The following AK2 variants were observed in gnomAD, a reference collection of about 807,000 sequenced individuals.
The protein encoded by AK2 is adenylate kinase 2, also known as adenylate kinase 2, mitochondrial.
Under a neutral mutation model 24.6 loss-of-function variants are expected in AK2, and 15 were observed. The observed-to-expected ratio is 0.61, with a 90% CI of 0.41 to 0.94. The LOEUF (loss-of-function observed/expected upper bound fraction) is 0.94, where lower values mean the gene tolerates loss of function less well. AK2 is among the 40% of genes least tolerant of loss of function. The pLI is 0.00. For missense variants in AK2, 257 were observed against 304.1 expected, an observed-to-expected ratio of 0.85 and a Z score of 1.15; for synonymous variants, 102 against 114.0, an observed-to-expected ratio of 0.90 and a Z score of 0.67.
rs779855318 is a variant in AK2 at position 33,024,577 on chromosome 1, G to A, written c.94-10C>T. ...CAGCCAATCTGGGTGCCTACAGAGA[G>A]GAAGACAAAAACCAAGATTCAATTA... On this transcript the variant is annotated splice_polypyrimidine_tract_variant and intron_variant, in intron 1 of 5. Coordinates refer to ENST00000672715, the MANE Select transcript of AK2 (RefSeq NM_001625.4). 5 of 1,614,152 alleles carry A rather than the reference G, an allele frequency of 3.1e-6. No homozygotes were observed. Among genetic ancestry groups the A allele is most frequent in the Non-Finnish European group, 4.2e-6 (5 of 1,179,988 alleles).
intron 1 of AK2, among the ~76,000 whole-genome samples, chr1:33,030,411 T>C (rs183582637): frequency 2.9e-3 from 436 of 152,094 alleles, no homozygotes; most frequent in Non-Finnish European, 4.8e-3. Flanking sequence ...TTTAATTAGC[T>C]GGGCATGGTG....
Position 33,010,528 on chromosome 1 carries a change from G to A in AK2, c.*2653C>T, listed in dbSNP as rs1638749292. On this transcript the variant is annotated 3_prime_UTR_variant, in exon 6 of 6. Transcript: ENST00000672715. ...TAAAAAATATTTTCACCAGTCCAGA[G>A]TAAATGAAAACCCGATTCCTTAGAA... 1 of 744,628 alleles carries A rather than the reference G, an allele frequency of 1.3e-6. No homozygotes were observed. The highest frequency in any genetic ancestry group is 2.9e-5 in the East Asian group (1 of 35,060). The allele number at this position is 744,628 out of a possible 1,614,324, so 46.1% of individuals were successfully genotyped here.
At chr1:33,014,862 G>C (rs1569588649) in intron 4 of AK2, among the ~76,000 whole-genome samples, 1 of 152,310 alleles carries the variant, frequency 6.6e-6, no homozygotes, top group East Asian at 1.9e-4. Context: ...CTTGAGAGAA[G>C]GAACTCTGGT....
rs749644551 is a variant in AK2 at position 33,013,208 on chromosome 1, T to C, written c.693A>G (p.Thr231=). The stretch of plus-strand genomic sequence containing the variant: ...AGATAAACATAACCAAGTCTTTACA[T>C]GTGGCTTTGGAGAAGGCTGCTAGGA... ...ASILAAFSKA[T]CKDLVMFI The change falls in exon 6 of 6, where the codon ACA becomes ACG. Residue 231 remains threonine, a synonymous_variant. Transcript: ENST00000672715. The C allele has an allele frequency of 3.7e-6, 6 of 1,614,014 alleles. No individual in the cohort carries two copies. In the African/African-American group the frequency reaches 6.7e-5, roughly 18 times the overall value.
chr1:33,025,772 GAGA>G (rs1428815321), intron 1 of AK2, among the ~76,000 whole-genome samples: 1 of 152,194 alleles, frequency 6.6e-6, no homozygotes, highest in Non-Finnish European at 1.5e-5. Context: ...CTGGGTTGAT[GAGA>G]AGATTATACA....
chr1:33,021,788 G>T (rs1428975837), intron 2 of AK2, 85 bp from the exon 3 acceptor site: 1 of 1,051,520 alleles, frequency 9.5e-7, no homozygotes, highest in Non-Finnish European at 1.5e-6. Flanking sequence ...CCAAAAGTTT[G>T]TGTATATAAC....
At chr1:33,019,639 T>G in intron 4 of AK2, 1 of 997,806 alleles carries the variant, frequency 1.0e-6, no homozygotes, top group Non-Finnish European at 1.2e-6. Flanking sequence ...CTGTGCTGTC[T>G]ATTCACATGT....
At position 33,012,751 on chromosome 1, in the gene AK2, G is replaced by C; in HGVS notation, c.*430C>G. 2 of 968,228 alleles carry C rather than the reference G, an allele frequency of 2.1e-6. No individual in the cohort carries two copies. Among genetic ancestry groups the C allele is most frequent in the Non-Finnish European group, 2.9e-6 (2 of 698,002 alleles). 60.0% of individuals were successfully genotyped at this position (968,228 alleles called of 1,614,324 possible). A position where few individuals can be genotyped will look rare whatever the true frequency, so the allele number is the denominator to read the frequency against. ...GTCTCTACAAAAAATACAAATATCA[G>C]CCAGGTGTTGTGGCATGCACCTGTA... is the stretch of plus-strand genomic sequence containing the variant. On this transcript the variant is annotated 3_prime_UTR_variant, in exon 6 of 6. Transcript: ENST00000672715.
Position 33,021,699 on chromosome 1 carries a change from C to T in AK2, c.224G>A (p.Ser75Asn), listed in dbSNP as rs140838488. The T allele has an allele frequency of 6.2e-7, 1 of 1,612,926 alleles. No individual in the cohort carries two copies. Among genetic ancestry groups the T allele is most frequent in the Non-Finnish European group, 8.5e-7 (1 of 1,178,854 alleles). The change falls in exon 3 of 6, where the codon AGT (serine) becomes AAT (asparagine). Residue 75 changes from serine (S) to asparagine (N), a missense_variant. Coordinates refer to ENST00000672715, the MANE Select transcript of AK2 (RefSeq NM_001625.4). The part of the protein sequence containing the change: ...KATMDAGKLV[S>N]DEMVVELIEK... ...AATGAGCTCCACTACCATTTCATCA[C>T]TCACCTGGAAGTTAGGAACAAAATA... is the stretch of plus-strand genomic sequence containing the variant.
At chr1:33,020,188 AACACACAC>A (rs56098182) in intron 4 of AK2, 201,733 of 875,766 alleles carry the variant, frequency 0.23, 10,401 homozygotes, top group Admixed American at 0.31. Context: ...AACATGTTAA[AACACACAC>A]ACACACACAC....
intron 4 of AK2, among the ~76,000 whole-genome samples, chr1:33,018,903 C>G (rs1639356896): frequency 6.6e-6 from 1 of 152,170 alleles, no homozygotes; most frequent in African/African-American, 2.4e-5. Context: ...TACCCAGTGG[C>G]TCAAGACTAT....
chr1:33,012,029 T>C lies in AK2; in HGVS notation c.*1152A>G. On this transcript the variant is annotated 3_prime_UTR_variant, in exon 6 of 6. Transcript: ENST00000672715. ...AGATCACACACTGTTTTGTTCACAC[T>C]TGGAAACACAGGCAAACATTAAAAA... 6.5e-7 allele frequency: 1 copy of C among 1,535,426 alleles called. No homozygotes were observed. The highest frequency in any genetic ancestry group is 8.7e-7 in the Non-Finnish European group (1 of 1,146,710).
At chr1:33,031,386 G>C in intron 1 of AK2, 1 of 303,896 alleles carries the variant, frequency 3.3e-6, no homozygotes. Context: ...CAGTTTCTCT[G>C]TCAGTAAAAA....
chr1:33,018,428 CAAT>C (rs372000983), intron 4 of AK2, among the ~76,000 whole-genome samples: 29 of 152,146 alleles, frequency 1.9e-4, no homozygotes, highest in African/African-American at 4.3e-4. Context: ...AAAACAACAA[CAAT>C]GACAACAACA....
chr1:33,027,980 C>T (rs893486190), intron 1 of AK2, among the ~76,000 whole-genome samples: 1 of 152,132 alleles, frequency 6.6e-6, no homozygotes, highest in Non-Finnish European at 1.5e-5. Flanking sequence ...ATGACTACTT[C>T]ACAGGGTTCT....
rs1182305437 is a variant in AK2 at position 33,009,546 on chromosome 1, C to A, written c.*3635G>T. ...TGTCTGTTGCATGCCAGGTACTGAG[C>A]AAAAACCTTCTTCCTATAAATTTCA... On this transcript the variant is annotated 3_prime_UTR_variant, in exon 6 of 6. Transcript: ENST00000672715. 1 of 454,018 alleles carries A rather than the reference C, an allele frequency of 2.2e-6. No homozygotes were observed. The highest frequency in any genetic ancestry group is 6.9e-5 in the East Asian group (1 of 14,412). The allele number at this position is 454,018 out of a possible 1,614,324, so 28.1% of individuals were successfully genotyped here.
At chr1:33,025,188 C>CAA (rs386366656) in intron 1 of AK2, among the ~76,000 whole-genome samples, 1,393 of 64,494 alleles carry the variant, frequency 0.022, 31 homozygotes, top group African/African-American at 0.071. Flanking sequence ...GACTTCGTCT[C>CAA]AAAAAAAAAA....
At chr1:33,034,449 T>TACACACACAC (rs71833811) in intron 1 of AK2, among the ~76,000 whole-genome samples, 2,480 of 141,942 alleles carry the variant, frequency 0.017, 79 homozygotes, top group African/African-American at 0.056. Flanking sequence ...GGGTGCTTGA[T>TACACACACAC]ACACACACAC....
At chr1:33,021,052 A>G (rs1292623027) in intron 4 of AK2, among the ~76,000 whole-genome samples, 1 of 151,838 alleles carries the variant, frequency 6.6e-6, no homozygotes, top group Non-Finnish European at 1.5e-5. Context: ...AGGTTGAGGT[A>G]GGAGAACTGC....
Sources: allele counts gnomAD v4.1 joint callset (sites outside exome capture counted in the v4.1 genomes callset), GRCh38; gene constraint gnomAD v4.1.1; transcripts MANE v1.5; gene names NCBI Gene and HGNC (gene_info 2026-07-23, HGNC 2026-07-21).